Variants in ADGRL2 observed in about 807,000 individuals in gnomAD.
ADGRL2 encodes adhesion G protein-coupled receptor L2, also known as calcium-independent alpha-latrotoxin receptor 2.
A neutral mutation model predicts 157.4 loss-of-function variants in ADGRL2; 44 were observed. That is an observed-to-expected ratio of 0.28 (90% confidence interval 0.22 to 0.36). The LOEUF is 0.36. ADGRL2 is among the 10% of genes least tolerant of loss of function. ADGRL2 has a pLI of 1.00. For missense variants in ADGRL2, 1,510 were observed against 1,768.9 expected (o/e 0.85, Z 2.63); for synonymous variants, 585 against 624.7 (o/e 0.94, Z 0.95).
At chr1:81,379,180 T>A (rs1262251194) in intron 1 of ADGRL2, among the ~76,000 whole-genome samples, 2 of 152,096 alleles carry the variant, frequency 1.3e-5, no homozygotes, top group Non-Finnish European at 2.9e-5. Flanking sequence ...TGGGAAATGT[T>A]CCCTCGTCTC....
rs145677462 is a variant in ADGRL2 at position 81,348,161 on chromosome 1, G to A, written c.-302+41652G>A. Among the ~76,000 whole-genome samples, 132 of 152,204 alleles carry A rather than the reference G, an allele frequency of 8.7e-4. 1 individual carries two copies. Among genetic ancestry groups the A allele is most frequent in the African/African-American group, 1.7e-3 (72 of 41,532 alleles). On this transcript the variant is annotated intron_variant, in intron 1 of 24. Coordinates refer to the ADGRL2 transcript ENST00000370721. ...GGTGATGTTGACACCCCATAAGCCT[G>A]GACAGCAAAGCATCACATCGAAGAG...
At chr1:81,481,409 G>A (rs2078384057) in intron 2 of ADGRL2, among the ~76,000 whole-genome samples, 1 of 152,212 alleles carries the variant, frequency 6.6e-6, no homozygotes, top group African/African-American at 2.4e-5. Flanking sequence ...GTTTAGGACT[G>A]TAGTCATCCA....
Position 81,565,317 on chromosome 1 carries a change from G to A in ADGRL2, c.-247-15559G>A, listed in dbSNP as rs139292285. Among the ~76,000 whole-genome samples the A allele has an allele frequency of 2.9e-3, 434 of 152,280 alleles. 3 individuals carry two copies. Among genetic ancestry groups the A allele is most frequent in the African/African-American group, 9.7e-3 (405 of 41,552 alleles). Reference sequence around the variant, plus strand: ...TGCACTCTCCTTAGCTACAGAACAGGATAGAATGTTAAGAACAGCACTTAG... The same window carrying A: ...TGCACTCTCCTTAGCTACAGAACAGAATAGAATGTTAAGAACAGCACTTAG... On this transcript the variant is annotated intron_variant, in intron 2 of 24. Transcript: ENST00000370721.
rs1202223035 is a variant in ADGRL2, at chr1:81,842,333, A to AT, written c.73+5286dup. Among the ~76,000 whole-genome samples the AT allele has an allele frequency of 2.0e-3, 104 of 52,760 alleles. 1 individual carries two copies. Among genetic ancestry groups the AT allele is most frequent in the Non-Finnish European group, 3.5e-3 (80 of 23,038 alleles). The allele number at this position is 52,760 out of a possible 152,430, so 34.6% of individuals were successfully genotyped here. ...GAATAATTTTAGTCTTCAGAAAAGG[A>AT]TTTTTTTTTTCTTTTAGCGCTTTTT... On this transcript the variant is annotated intron_variant, in intron 2 of 23. Transcript: ENST00000686636.
chr1:81,471,439 C>T (rs531835189), intron 2 of ADGRL2, among the ~76,000 whole-genome samples: 1 of 152,192 alleles, frequency 6.6e-6, no homozygotes, highest in African/African-American at 2.4e-5. Context: ...CCTCTGTAGC[C>T]ACTAGATGTC....
intron 1 of ADGRL2, among the ~76,000 whole-genome samples, chr1:81,429,798 C>T (rs899674837): frequency 4.6e-5 from 7 of 152,128 alleles, no homozygotes; most frequent in African/African-American, 1.4e-4. Context: ...GGCAACGTTT[C>T]GGGTAATGGA....
At chr1:81,418,825 G>A (rs942573065) in intron 1 of ADGRL2, among the ~76,000 whole-genome samples, 1 of 152,150 alleles carries the variant, frequency 6.6e-6, no homozygotes, top group South Asian at 2.1e-4. Context: ...ATTAATATCT[G>A]ATTTCCAATA....
intron 3 of ADGRL2, among the ~76,000 whole-genome samples, chr1:81,646,607 T>C (rs1388332238): frequency 6.6e-6 from 1 of 152,210 alleles, no homozygotes; most frequent in Non-Finnish European, 1.5e-5. Flanking sequence ...ACAGGAGCCA[T>C]AGTGAGGCAC....
At chr1:81,649,278 C>G in intron 3 of ADGRL2, among the ~76,000 whole-genome samples, 1 of 152,190 alleles carries the variant, frequency 6.6e-6, no homozygotes, top group Admixed American at 6.5e-5. Context: ...CCTTTTCTCG[C>G]TGCTTTCCCT....
At position 81,986,986 on chromosome 1, in the gene ADGRL2, A is replaced by C. The variant is rs2149500961; in HGVS notation, c.3594A>C (p.Thr1198=). 6.2e-7 allele frequency: 1 copy of C among 1,611,734 alleles called. No individual in the cohort carries two copies. The highest frequency in any genetic ancestry group is 8.5e-7 in the Non-Finnish European group (1 of 1,179,274). ...NNPYNTLLAE[T]VVCNAPSAPV... The stretch of plus-strand genomic sequence containing the variant: ...CCTATAACACATTGCTCGCTGAAAC[A>C]GTTGTATGTAATGCCCCTTCAGCTC... Residue 1198 remains threonine, a synonymous_variant, in exon 22 of 24, where the codon ACA becomes ACC. Coordinates refer to ENST00000686636, the MANE Select transcript of ADGRL2 (RefSeq NM_001366006.2).
At chr1:81,830,204 A>C (rs1320732105) in intron 1 of ADGRL2, among the ~76,000 whole-genome samples, 1 of 152,322 alleles carries the variant, frequency 6.6e-6, no homozygotes, top group Admixed American at 6.5e-5. Flanking sequence ...ACACAGGACC[A>C]GTTAATACAG....
At position 81,532,977 on chromosome 1, in the gene ADGRL2, A is replaced by T. The variant is rs530299595; in HGVS notation, c.-247-47899A>T. On this transcript the variant is annotated intron_variant, in intron 2 of 24. Transcript: ENST00000370721. ...CTATCTATCTATCTATCTATCATCT[A>T]TCTATCTATCTATCTATCCCAATGA... Among the ~76,000 whole-genome samples, 4 of 138,320 alleles carry T rather than the reference A, an allele frequency of 2.9e-5. No individual in the cohort carries two copies. The Admixed American group carries it at 3.5e-4, about 12-fold the overall frequency. The allele number at this position is 138,320 out of a possible 152,430, so 90.7% of individuals were successfully genotyped here.
intron 1 of ADGRL2, among the ~76,000 whole-genome samples, chr1:81,317,470 G>A (rs1660185120): frequency 1.3e-5 from 2 of 152,120 alleles, no homozygotes; most frequent in Admixed American, 1.3e-4. Flanking sequence ...TCTGAGCTCT[G>A]TTGACTGACT....
chr1:81,368,804 C>CAAA (rs2076111248), intron 1 of ADGRL2, among the ~76,000 whole-genome samples: 1 of 152,164 alleles, frequency 6.6e-6, no homozygotes, highest in African/African-American at 2.4e-5. Context: ...CATTGTTTTG[C>CAAA]ATCGCTCCAT....
intron 1 of ADGRL2, among the ~76,000 whole-genome samples, chr1:81,409,233 T>C (rs1035780581): frequency 3.3e-5 from 5 of 152,110 alleles, no homozygotes; most frequent in Admixed American, 2.6e-4. Flanking sequence ...TACTAAAATA[T>C]AAGCAAAAAT....
At chr1:81,558,672 A>C (rs1397375309) in intron 2 of ADGRL2, among the ~76,000 whole-genome samples, 1 of 152,188 alleles carries the variant, frequency 6.6e-6, no homozygotes, top group Non-Finnish European at 1.5e-5. Context: ...CCCACTTCTT[A>C]AATGAGTGTT....
chr1:81,842,625 G>T (rs1021468996), intron 2 of ADGRL2, among the ~76,000 whole-genome samples: 1 of 151,628 alleles, frequency 6.6e-6, no homozygotes, highest in Non-Finnish European at 1.5e-5. Flanking sequence ...CAAAGGACTG[G>T]GATTATATGC....
At chr1:81,869,683 A>G (rs1324607242) in intron 2 of ADGRL2, among the ~76,000 whole-genome samples, 1 of 151,584 alleles carries the variant, frequency 6.6e-6, no homozygotes, top group African/African-American at 2.4e-5. Context: ...ATTGATCATC[A>G]AAACTGTTGA....
intron 2 of ADGRL2, among the ~76,000 whole-genome samples, chr1:81,868,805 T>G (rs1037525476): frequency 4.6e-5 from 7 of 152,124 alleles, no homozygotes; most frequent in Admixed American, 4.6e-4. Context: ...GAAAGGTCCC[T>G]GTTATTTGCA....
Sources: gnomAD v4.1 joint callset for allele counts (sites outside exome capture counted in the v4.1 genomes callset) on GRCh38, gnomAD v4.1.1 for gene constraint, MANE v1.5 for transcripts, NCBI Gene and HGNC (gene_info 2026-07-23, HGNC 2026-07-21) for gene names.